Variants in SORCS1 observed in about 807,000 individuals in gnomAD.
SORCS1 encodes sortilin related VPS10 domain containing receptor 1.
SORCS1 carries 60 observed loss-of-function variants against 146.1 expected under a neutral mutation model. The observed-to-expected ratio is 0.41, with a 90% CI of 0.33 to 0.51. The LOEUF is 0.51. Among genes scored for constraint, SORCS1 ranks in the 20% least tolerant of loss-of-function variants. SORCS1 has a pLI of 0.21. For synonymous variants in SORCS1, 637 were observed against 584.0 expected, an observed-to-expected ratio of 1.09 and a Z score of -1.31; for missense variants, 1,352 against 1,487.6, an observed-to-expected ratio of 0.91 and a Z score of 1.50.
chr10:106,764,716 G>A (rs1298961503), intron 4 of SORCS1, among the ~76,000 whole-genome samples: 3 of 152,156 alleles, frequency 2.0e-5, no homozygotes, highest in Non-Finnish European at 4.4e-5. Flanking sequence ...CTAGTGCCGT[G>A]TCATGAACTT....
intron 1 of SORCS1, among the ~76,000 whole-genome samples, chr10:107,120,116 T>G (rs34302393): frequency 1.2e-4 from 19 of 152,186 alleles, no homozygotes; most frequent in African/African-American, 4.6e-4. Flanking sequence ...ATTCTTACTG[T>G]TTATTAGACT....
chr10:106,702,794 T>C (rs59166908), intron 8 of SORCS1, among the ~76,000 whole-genome samples: 2 of 152,342 alleles, frequency 1.3e-5, no homozygotes, highest in East Asian at 3.9e-4. Flanking sequence ...TGGCACTTTA[T>C]GTTGAATGCT....
chr10:107,037,471 G>A (rs1250691073), intron 1 of SORCS1, among the ~76,000 whole-genome samples: 2 of 152,204 alleles, frequency 1.3e-5, no homozygotes, highest in African/African-American at 2.4e-5. Flanking sequence ...TAATATGTTT[G>A]CATTTCTATC....
At chr10:107,020,305 C>T (rs1300750936) in intron 1 of SORCS1, among the ~76,000 whole-genome samples, 1 of 152,188 alleles carries the variant, frequency 6.6e-6, no homozygotes, top group Non-Finnish European at 1.5e-5. Context: ...AGAATCAGAA[C>T]AAACTCAAAA....
In SORCS1 at chr10:106,804,391, A is replaced by AATAAACC. The variant is rs751588976; in HGVS notation, c.726+25182_726+25183insGGTTTAT. Reference sequence around the variant, plus strand: ...AATAAAATAAAATAAAATAAAATAAACCTAACAAATTGAAAATCTTAACAA... The same window carrying AATAAACC: ...AATAAAATAAAATAAAATAAAATAAAATAAACCCCTAACAAATTGAAAATCTTAACAA... On this transcript the variant is annotated intron_variant, in intron 3 of 25. Coordinates refer to ENST00000263054, the MANE Select transcript of SORCS1 (RefSeq NM_052918.5). Among the ~76,000 whole-genome samples the AATAAACC allele has an allele frequency of 2.7e-3, 405 of 149,954 alleles. 1 individual carries two copies. Among genetic ancestry groups the AATAAACC allele is most frequent in the East Asian group, 0.014 (73 of 5,130 alleles).
chr10:106,992,395 A>G (rs530460116), intron 1 of SORCS1, among the ~76,000 whole-genome samples: 6 of 152,328 alleles, frequency 3.9e-5, no homozygotes, highest in African/African-American at 1.4e-4. Flanking sequence ...CCATACATTT[A>G]CTAACATTTT....
chr10:106,819,717 C>T (rs978929531), intron 3 of SORCS1, among the ~76,000 whole-genome samples: 5 of 152,052 alleles, frequency 3.3e-5, no homozygotes, highest in Admixed American at 6.6e-5. Flanking sequence ...CTGGCAAAAC[C>T]GATTTCAACC....
At chr10:106,903,984 A>G (rs1358449667) in intron 2 of SORCS1, among the ~76,000 whole-genome samples, 2 of 152,206 alleles carry the variant, frequency 1.3e-5, no homozygotes, top group African/African-American at 4.8e-5. Context: ...CTCACTTAGA[A>G]TCCAGCAATC....
intron 6 of SORCS1, among the ~76,000 whole-genome samples, chr10:106,726,317 T>C (rs1856177834): frequency 7.1e-6 from 1 of 140,232 alleles, no homozygotes; most frequent in Non-Finnish European, 1.5e-5. Context: ...ATCCTTTTAT[T>C]GAATTTTCAC....
intron 9 of SORCS1, among the ~76,000 whole-genome samples, chr10:106,695,036 A>AT (rs924911027): frequency 5.6e-4 from 84 of 148,934 alleles, no homozygotes; most frequent in African/African-American, 1.7e-3. Flanking sequence ...CACTCAGCAC[A>AT]TTTTTTTTTT....
chr10:106,859,784 T>TA (rs1234521783), intron 2 of SORCS1, among the ~76,000 whole-genome samples: 1 of 152,190 alleles, frequency 6.6e-6, no homozygotes, highest in African/African-American at 2.4e-5. Context: ...AATCTCTCCT[T>TA]ATTGGCCTTT....
intron 3 of SORCS1, among the ~76,000 whole-genome samples, chr10:106,791,219 C>T (rs1011869904): frequency 2.0e-5 from 3 of 152,142 alleles, no homozygotes; most frequent in African/African-American, 7.2e-5. Context: ...TTTCAATATT[C>T]TTCTGTGTTA....
chr10:107,086,068 C>T (rs1963736330), intron 1 of SORCS1, among the ~76,000 whole-genome samples: 1 of 152,212 alleles, frequency 6.6e-6, no homozygotes, highest in Admixed American at 6.5e-5. Flanking sequence ...AGCTTGTTTT[C>T]ACAGTGGAGA....
At chr10:106,656,656 GTT>G (rs200069838) in intron 17 of SORCS1, among the ~76,000 whole-genome samples, 40 of 146,828 alleles carry the variant, frequency 2.7e-4, no homozygotes, top group South Asian at 1.3e-3. Context: ...TATTTAGTAG[GTT>G]TTTTTTTTTT....
intron 2 of SORCS1, among the ~76,000 whole-genome samples, chr10:106,911,894 C>T (rs532971391): frequency 5.9e-5 from 9 of 152,050 alleles, no homozygotes; most frequent in African/African-American, 1.9e-4. Flanking sequence ...GGGTGGATCA[C>T]GAGGTCAGGA....
At chr10:107,147,550 T>A (rs1309707078) in intron 1 of SORCS1, among the ~76,000 whole-genome samples, 2 of 152,212 alleles carry the variant, frequency 1.3e-5, no homozygotes, top group Non-Finnish European at 2.9e-5. Context: ...TTCCTGTGTC[T>A]CATTTTTGGC....
At chr10:106,776,826 T>C (rs1860471511) in intron 3 of SORCS1, 134 bp from the exon 4 acceptor site, 2 of 824,130 alleles carry the variant, frequency 2.4e-6, no homozygotes, top group East Asian at 2.7e-5. Flanking sequence ...ACAGGGACCT[T>C]GACTCTGTCA....
chr10:106,623,491 G>A (rs58604751), intron 19 of SORCS1, among the ~76,000 whole-genome samples: 39 of 151,176 alleles, frequency 2.6e-4, no homozygotes, highest in African/African-American at 8.0e-4. Flanking sequence ...TGATCCGCCC[G>A]CCTCGGCCTC....
chr10:106,748,295 A>G (rs1857895654), intron 5 of SORCS1, among the ~76,000 whole-genome samples: 1 of 152,158 alleles, frequency 6.6e-6, no homozygotes, highest in East Asian at 1.9e-4. Context: ...CAATATTTCA[A>G]ACTTTTTCAT....
Sources: allele counts gnomAD v4.1 joint callset (sites outside exome capture counted in the v4.1 genomes callset), GRCh38; gene constraint gnomAD v4.1.1; transcripts MANE v1.5; gene names NCBI Gene and HGNC (gene_info 2026-07-23, HGNC 2026-07-21).